Variants in NRCAM observed in about 807,000 individuals in gnomAD.
NRCAM encodes the protein NgCAM-related cell adhesion molecule.
In NRCAM, 83 loss-of-function variants were observed where a neutral mutation model predicts 156.5. The observed-to-expected ratio is 0.53, with a 90% confidence interval of 0.44 to 0.64. The LOEUF is 0.64. Among genes scored for constraint, NRCAM ranks in the 30% least tolerant of loss-of-function variants. The pLI is 0.00. For missense variants in NRCAM, 1,417 were observed against 1,597.3 expected, an observed-to-expected ratio of 0.89 and a Z score of 1.92; for synonymous variants, 538 against 563.9, an observed-to-expected ratio of 0.95 and a Z score of 0.65.
intron 1 of NRCAM, among the ~76,000 whole-genome samples, chr7:108,436,145 T>C (rs1319858127): frequency 6.6e-6 from 1 of 152,000 alleles, no homozygotes; most frequent in Non-Finnish European, 1.5e-5. Context: ...AATAAATAAA[T>C]AAATAAATAA....
chr7:108,316,216 C>A (rs1361131850), intron 2 of NRCAM, among the ~76,000 whole-genome samples: 1 of 152,116 alleles, frequency 6.6e-6, no homozygotes, highest in Non-Finnish European at 1.5e-5. Flanking sequence ...ATAAAAGTGA[C>A]TTCTGTTCCC....
intron 2 of NRCAM, among the ~76,000 whole-genome samples, chr7:108,346,670 T>C (rs185046327): frequency 2.8e-4 from 42 of 152,216 alleles, no homozygotes; most frequent in Non-Finnish European, 4.9e-4. Flanking sequence ...ATGCATGAGA[T>C]TTGGGAAGAT....
intron 10 of NRCAM, among the ~76,000 whole-genome samples, chr7:108,224,092 C>A (rs2092954306): frequency 6.6e-6 from 1 of 151,946 alleles, no homozygotes; most frequent in Non-Finnish European, 1.5e-5. Context: ...TTGTATACTC[C>A]CTTAATTTGG....
chr7:108,209,628 A>G, intron 11 of NRCAM, 23 bp from the exon 12 acceptor site: 1 of 1,539,106 alleles, frequency 6.5e-7, no homozygotes, highest in East Asian at 2.4e-5. Context: ...ATAAATAATG[A>G]TGTTACAAAA....
At chr7:108,226,052 T>C (rs1297589632) in intron 9 of NRCAM, among the ~76,000 whole-genome samples, 156 bp downstream of exon 9, 1 of 152,180 alleles carries the variant, frequency 6.6e-6, no homozygotes, top group Non-Finnish European at 1.5e-5. Flanking sequence ...TGCACAATCT[T>C]TATAACATAT....
At chr7:108,401,641 A>T (rs1400188109) in intron 1 of NRCAM, among the ~76,000 whole-genome samples, 4 of 152,090 alleles carry the variant, frequency 2.6e-5, no homozygotes, top group African/African-American at 9.7e-5. Context: ...TTCTCACAAG[A>T]ACTCTCTGAC....
At chr7:108,281,827 A>C (rs1318932486) in intron 3 of NRCAM, among the ~76,000 whole-genome samples, 1 of 152,246 alleles carries the variant, frequency 6.6e-6, no homozygotes, top group African/African-American at 2.4e-5. Flanking sequence ...GGCAAACTGG[A>C]TGTAATAATA....
chr7:108,282,984 A>G (rs1048425480), intron 3 of NRCAM, among the ~76,000 whole-genome samples: 1 of 152,238 alleles, frequency 6.6e-6, no homozygotes, highest in Non-Finnish European at 1.5e-5. Context: ...AACTCCCTAG[A>G]TGATTCTAAT....
chr7:108,268,637 G>GGGGA (rs2097209522), intron 3 of NRCAM, among the ~76,000 whole-genome samples: 1 of 48,590 alleles, frequency 2.1e-5, no homozygotes, highest in Non-Finnish European at 4.0e-5. Flanking sequence ...GGGGGGGGTT[G>GGGGA]GGGGGGGCGG....
intron 20 of NRCAM, among the ~76,000 whole-genome samples, chr7:108,188,149 T>C (rs2153416917): frequency 6.6e-6 from 1 of 152,224 alleles, no homozygotes; most frequent in Admixed American, 6.5e-5. Flanking sequence ...AGCTCTGGGA[T>C]AGTCTCAGCC....
intron 2 of NRCAM, among the ~76,000 whole-genome samples, chr7:108,364,265 C>T (rs1330152353): frequency 6.6e-6 from 1 of 152,132 alleles, no homozygotes; most frequent in African/African-American, 2.4e-5. Context: ...TGCTCAACAT[C>T]ATTAGTCATT....
chr7:108,268,632 G>A (rs1175166783), intron 3 of NRCAM, among the ~76,000 whole-genome samples: 1 of 65,022 alleles, frequency 1.5e-5, no homozygotes, highest in Non-Finnish European at 3.5e-5. Flanking sequence ...GGGTGGGGGG[G>A]GGTTGGGGGG....
chr7:108,285,541 GACTA>G (rs1286981802), intron 3 of NRCAM, among the ~76,000 whole-genome samples: 35 of 152,302 alleles, frequency 2.3e-4, no homozygotes, highest in African/African-American at 7.5e-4. Context: ...AAGGATAACA[GACTA>G]ACTAGGGTAG....
At chr7:108,256,277 T>A (rs1308127113) in intron 3 of NRCAM, among the ~76,000 whole-genome samples, 1 of 151,126 alleles carries the variant, frequency 6.6e-6, no homozygotes, top group Non-Finnish European at 1.5e-5. Context: ...TGTTCTGTAC[T>A]AAGAAAAATT....
intron 28 of NRCAM, among the ~76,000 whole-genome samples, chr7:108,173,390 A>T (rs2152118410): frequency 6.6e-6 from 1 of 152,328 alleles, no homozygotes; most frequent in East Asian, 1.9e-4. Context: ...AGATACATTT[A>T]AAAAATTAAA....
chr7:108,343,733 C>T (rs768239245), intron 2 of NRCAM, among the ~76,000 whole-genome samples: 1 of 152,184 alleles, frequency 6.6e-6, no homozygotes, highest in Non-Finnish European at 1.5e-5. Flanking sequence ...ACTGATAACA[C>T]CCATTAGATG....
intron 2 of NRCAM, among the ~76,000 whole-genome samples, chr7:108,370,381 G>A (rs17155592): frequency 0.075 from 11,473 of 152,130 alleles, 447 homozygotes; most frequent in East Asian, 0.12. Flanking sequence ...GAATCAGAGA[G>A]TCAGGCAACA....
intron 2 of NRCAM, among the ~76,000 whole-genome samples, chr7:108,335,434 C>CTTTGTTT (rs2099170649): frequency 1.4e-5 from 1 of 69,876 alleles, no homozygotes; most frequent in Non-Finnish European, 2.5e-5. Context: ...GTTCCACCTG[C>CTTTGTTT]TTTTTTTTTT....
rs897965752 is a variant in NRCAM, at chr7:108,215,730, C to A, written c.891-6125G>T. Among the ~76,000 whole-genome samples the A allele has an allele frequency of 5.7e-5, 4 of 69,728 alleles. No individual in the cohort carries two copies. In the South Asian group the frequency reaches 1.6e-3, roughly 28 times the overall value. The allele number at this position is 69,728 out of a possible 152,430, so 45.7% of individuals were successfully genotyped here. A position where few individuals can be genotyped will look rare whatever the true frequency, so the allele number is the denominator to read the frequency against. ...TATCAGACTACAACTGCAACCCCTG[C>A]CTTTTTTTTTTTTTTTTGCTTTTCA... On this transcript the variant is annotated intron_variant, in intron 11 of 32. Transcript: ENST00000379028.
Sources: allele counts gnomAD v4.1 joint callset (sites outside exome capture counted in the v4.1 genomes callset), GRCh38; gene constraint gnomAD v4.1.1; transcripts MANE v1.5; gene names NCBI Gene and HGNC (gene_info 2026-07-23, HGNC 2026-07-21).